RARB: variants seen among roughly 807,000 people sequenced by gnomAD.
RARB encodes the protein retinoic acid receptor beta, also known as HBV-activated protein.
RARB carries 17 observed loss-of-function variants against 51.9 expected under a neutral mutation model. The ratio of observed to expected loss-of-function variants is 0.33; its 90% CI spans 0.22 to 0.49. The LOEUF is 0.49. Among genes scored for constraint, RARB ranks in the 20% least tolerant of loss-of-function variants. RARB has a pLI of 0.99. For missense variants in RARB, 369 were observed against 550.8 expected (o/e 0.67, Z 3.30); for synonymous variants, 215 against 195.4 (o/e 1.10, Z -0.84).
intron 3 of RARB, among the ~76,000 whole-genome samples, chr3:25,568,671 C>A (rs1021836126): frequency 6.6e-6 from 1 of 152,184 alleles, no homozygotes; most frequent in African/African-American, 2.4e-5. Context: ...CTTAGGGAGG[C>A]AACTCAGGCC....
At chr3:24,865,898 G>T (rs976730483) in intron 2 of RARB, among the ~76,000 whole-genome samples, 1 of 152,076 alleles carries the variant, frequency 6.6e-6, no homozygotes, top group Non-Finnish European at 1.5e-5. Flanking sequence ...TCAAACACTT[G>T]TGAAACTTTT....
rs575679034 is a variant in RARB, at chr3:25,261,351, TACTA to T, written c.178+86777_178+86780del. ...CCCTTGGCTCCTAGAACACCATACT[TACTA>T]GTTCTCCAGGCTGTTTTCTGCTCAT... On this transcript the variant is annotated intron_variant, in intron 5 of 11. Transcript: ENST00000383772. 1.6e-3 allele frequency among the ~76,000 whole-genome samples: 250 copies of T among 152,192 alleles called. 1 individual carries two copies. The highest frequency in any genetic ancestry group is 2.5e-3 in the Non-Finnish European group (169 of 68,006).
chr3:25,121,251 G>A (rs1699779281), intron 3 of RARB, among the ~76,000 whole-genome samples: 1 of 152,128 alleles, frequency 6.6e-6, no homozygotes, highest in African/African-American at 2.4e-5. Flanking sequence ...TTGGATCACA[G>A]CTAATGATTT....
intron 5 of RARB, among the ~76,000 whole-genome samples, chr3:25,203,979 T>C (rs1223349823): frequency 6.6e-6 from 1 of 152,194 alleles, no homozygotes; most frequent in Non-Finnish European, 1.5e-5. Context: ...TTGGCCTGCC[T>C]TGCTAGGTTG....
intron 5 of RARB, among the ~76,000 whole-genome samples, chr3:25,363,544 T>C (rs934432778): frequency 6.6e-6 from 1 of 152,160 alleles, no homozygotes; most frequent in Non-Finnish European, 1.5e-5. Flanking sequence ...ATACTACATC[T>C]GATCTAAGAG....
chr3:24,938,488 A>G (rs1445351254), intron 2 of RARB, among the ~76,000 whole-genome samples: 1 of 152,204 alleles, frequency 6.6e-6, no homozygotes, highest in Non-Finnish European at 1.5e-5. Context: ...TTTAATTTAC[A>G]GACAGGTTCA....
At chr3:25,183,188 T>C (rs968607079) in intron 5 of RARB, among the ~76,000 whole-genome samples, 10 of 152,230 alleles carry the variant, frequency 6.6e-5, no homozygotes, top group Non-Finnish European at 1.2e-4. Context: ...GTTTATTTTC[T>C]CATAATTTTG....
intron 2 of RARB, among the ~76,000 whole-genome samples, chr3:25,055,634 G>C (rs190219484): frequency 2.0e-5 from 3 of 152,076 alleles, no homozygotes; most frequent in Admixed American, 6.6e-5. Flanking sequence ...TGGGGGAAAA[G>C]TTATTAGGAG....
At chr3:25,499,439 T>C (rs552010937) in intron 2 of RARB, among the ~76,000 whole-genome samples, 1 of 152,314 alleles carries the variant, frequency 6.6e-6, no homozygotes, top group East Asian at 1.9e-4. Context: ...GCAGCAGGTA[T>C]ACCCTTCATC....
intron 3 of RARB, among the ~76,000 whole-genome samples, chr3:25,529,470 A>G (rs1276691456): frequency 6.6e-6 from 1 of 152,226 alleles, no homozygotes; most frequent in African/African-American, 2.4e-5. Flanking sequence ...TATGTTTTAT[A>G]TAAATCTCAA....
chr3:25,378,505 T>G (rs936143224), intron 5 of RARB, among the ~76,000 whole-genome samples: 6 of 152,228 alleles, frequency 3.9e-5, no homozygotes, highest in African/African-American at 1.4e-4. Context: ...TCTATTCTAT[T>G]TAAACTTTGT....
intron 2 of RARB, among the ~76,000 whole-genome samples, chr3:24,908,273 T>C (rs1694910530): frequency 6.6e-6 from 1 of 152,204 alleles, no homozygotes; most frequent in Non-Finnish European, 1.5e-5. Context: ...CTTTAAAAAT[T>C]TGCCTGAAGA....
chr3:25,081,610 TA>T (rs60565157), intron 3 of RARB, among the ~76,000 whole-genome samples: 298 of 14,010 alleles, frequency 0.021, 1 homozygote, highest in Middle Eastern at 0.026. Flanking sequence ...TATATATATA[TA>T]TATATATATA....
At chr3:25,472,811 A>G (rs764859721) in intron 2 of RARB, among the ~76,000 whole-genome samples, 18 of 152,222 alleles carry the variant, frequency 1.2e-4, no homozygotes, top group Non-Finnish European at 2.1e-4. Flanking sequence ...ATAGAGGTAG[A>G]CCTTTATCAG....
intron 5 of RARB, among the ~76,000 whole-genome samples, chr3:25,179,555 A>G (rs1163991826): frequency 6.6e-6 from 1 of 152,216 alleles, no homozygotes. Context: ...CCAAATAAAA[A>G]TGAATGAAAG....
At chr3:25,409,549 C>T (rs1707503999) in intron 5 of RARB, among the ~76,000 whole-genome samples, 1 of 152,098 alleles carries the variant, frequency 6.6e-6, no homozygotes, top group Non-Finnish European at 1.5e-5. Flanking sequence ...ACGTGAAATC[C>T]CAGAATCTTA....
chr3:24,881,524 T>A (rs1703166658), intron 2 of RARB, among the ~76,000 whole-genome samples: 1 of 152,152 alleles, frequency 6.6e-6, no homozygotes, highest in African/African-American at 2.4e-5. Context: ...TGTTTGCATA[T>A]TACGACATTT....
At chr3:24,902,112 A>G (rs192562322) in intron 2 of RARB, among the ~76,000 whole-genome samples, 12 of 152,266 alleles carry the variant, frequency 7.9e-5, no homozygotes, top group Admixed American at 7.8e-4. Flanking sequence ...TACTAGATTG[A>G]TGTTCTTATT....
intron 2 of RARB, among the ~76,000 whole-genome samples, chr3:24,868,333 A>G (rs1047243950): frequency 2.6e-5 from 4 of 152,196 alleles, no homozygotes; most frequent in Non-Finnish European, 4.4e-5. Flanking sequence ...TGCCAAACTT[A>G]CTTAGTATTT....
Sources: gnomAD v4.1 joint callset for allele counts (sites outside exome capture counted in the v4.1 genomes callset) on GRCh38, gnomAD v4.1.1 for gene constraint, MANE v1.5 for transcripts, NCBI Gene and HGNC (gene_info 2026-07-23, HGNC 2026-07-21) for gene names.